The following NBAS variants were observed in gnomAD, a reference collection of about 807,000 sequenced individuals.
NBAS encodes the protein NBAS subunit of NRZ tethering complex.
In NBAS, 219 loss-of-function variants were observed where a neutral mutation model predicts 302.5. That is an observed-to-expected ratio of 0.72 (90% CI 0.65 to 0.81). The LOEUF (loss-of-function observed/expected upper bound fraction) is 0.81. Ranked by LOEUF, NBAS falls within the 30% of genes least tolerant of loss-of-function variation. The pLI, the probability that NBAS is intolerant of heterozygous loss-of-function variation, is 0.00. For missense variants in NBAS, 2,932 were observed against 2,841.6 expected, an observed-to-expected ratio of 1.03 and a Z score of -0.72; for synonymous variants, 1,118 against 1,021.6, an observed-to-expected ratio of 1.09 and a Z score of -1.80.
At chr2:15,488,756 C>T in intron 12 of NBAS, 138 bp downstream of exon 12, 1 of 1,135,000 alleles carries the variant, frequency 8.8e-7, no homozygotes, top group Admixed American at 2.0e-5. Flanking sequence ...GTACTGATAT[C>T]ATAATTTAAA....
intron 12 of NBAS, among the ~76,000 whole-genome samples, chr2:15,482,242 C>T (rs1309071538): frequency 6.6e-6 from 1 of 152,058 alleles, no homozygotes; most frequent in Admixed American, 6.6e-5. Context: ...GTGATCTTCC[C>T]GACTCAGCCT....
At chr2:15,009,730 T>A in the NBAS span, among the ~76,000 whole-genome samples, 6 of 121,358 alleles carry the variant, frequency 4.9e-5, no homozygotes, top group Admixed American at 3.2e-4. Context: ...ACGGTGCATA[T>A]GTATGTGTGT....
At chr2:15,453,238 G>A in intron 21 of NBAS, among the ~76,000 whole-genome samples, 1 of 152,200 alleles carries the variant, frequency 6.6e-6, no homozygotes, top group East Asian at 1.9e-4. Flanking sequence ...GAATGACCCA[G>A]GGTTAGCAAG....
chr2:15,188,165 G>T (rs1665176107), intron 49 of NBAS, among the ~76,000 whole-genome samples: 1 of 152,174 alleles, frequency 6.6e-6, no homozygotes, highest in South Asian at 2.1e-4. Flanking sequence ...GTGATACACT[G>T]GATGAAAACA....
chr2:15,353,147 C>G (rs929924212), intron 34 of NBAS, among the ~76,000 whole-genome samples: 3 of 152,122 alleles, frequency 2.0e-5, no homozygotes, highest in Non-Finnish European at 4.4e-5. Flanking sequence ...AGCATCCCCC[C>G]CAACCAAAGC....
chr2:14,934,357 AT>A, the NBAS span, among the ~76,000 whole-genome samples: 1 of 151,906 alleles, frequency 6.6e-6, no homozygotes, highest in Non-Finnish European at 1.5e-5. Context: ...AAATTAGCAT[AT>A]TTATTCAAAC....
At chr2:15,137,414 C>A in the NBAS span, among the ~76,000 whole-genome samples, 1 of 152,132 alleles carries the variant, frequency 6.6e-6, no homozygotes, top group Non-Finnish European at 1.5e-5. Flanking sequence ...TCACCTTCCC[C>A]AGGTCAAGCA....
chr2:15,267,680 CA>C (rs1291338435), intron 44 of NBAS, among the ~76,000 whole-genome samples: 1 of 151,828 alleles, frequency 6.6e-6, no homozygotes, highest in Non-Finnish European at 1.5e-5. Flanking sequence ...ATGTATATAC[CA>C]AAAATTATAA....
chr2:15,173,653 C>T (rs1396762862), intron 51 of NBAS, among the ~76,000 whole-genome samples: 2 of 152,186 alleles, frequency 1.3e-5, no homozygotes, highest in African/African-American at 4.8e-5. Flanking sequence ...TGGCATGGCA[C>T]TTAATGGAAT....
At chr2:14,972,890 G>A in the NBAS span, among the ~76,000 whole-genome samples, 1 of 152,220 alleles carries the variant, frequency 6.6e-6, no homozygotes, top group Non-Finnish European at 1.5e-5. Context: ...GTCACCTAGT[G>A]TTTCCAAAAC....
intron 31 of NBAS, among the ~76,000 whole-genome samples, chr2:15,368,372 G>A (rs1483740691): frequency 6.6e-6 from 1 of 151,762 alleles, no homozygotes; most frequent in Non-Finnish European, 1.5e-5. Context: ...GCTAACTTTT[G>A]TATTCTTAGT....
intron 47 of NBAS, among the ~76,000 whole-genome samples, chr2:15,219,956 C>G: frequency 6.8e-6 from 1 of 147,502 alleles, no homozygotes; most frequent in African/African-American, 2.5e-5. Context: ...GCAGAGGGCT[C>G]CTCACTTCCC....
intron 23 of NBAS, among the ~76,000 whole-genome samples, chr2:15,418,583 T>G (rs1448740876): frequency 1.3e-4 from 19 of 151,946 alleles, no homozygotes; most frequent in Admixed American, 1.2e-3. Context: ...GTGCAGTGAG[T>G]GCTGTGTATG....
intron 9 of NBAS, among the ~76,000 whole-genome samples, chr2:15,525,386 G>A (rs374675189): frequency 3.3e-5 from 5 of 152,168 alleles, no homozygotes; most frequent in African/African-American, 9.7e-5. Flanking sequence ...GGTCCAGAAA[G>A]AGTAAATGAC....
intron 10 of NBAS, among the ~76,000 whole-genome samples, chr2:15,506,091 TAAAA>T (rs2148639726): frequency 6.6e-6 from 1 of 150,808 alleles, no homozygotes; most frequent in Non-Finnish European, 1.5e-5. Context: ...GGAAATGAGA[TAAAA>T]GGGAGAGGTA....
At chr2:15,134,056 T>TCTCTC in the NBAS span, among the ~76,000 whole-genome samples, 2 of 145,662 alleles carry the variant, frequency 1.4e-5, no homozygotes, top group African/African-American at 2.5e-5. Flanking sequence ...GAACATTTCT[T>TCTCTC]TCTCTCTCTC....
intron 21 of NBAS, among the ~76,000 whole-genome samples, chr2:15,440,264 G>A (rs1347082044): frequency 6.6e-6 from 1 of 152,216 alleles, no homozygotes; most frequent in Non-Finnish European, 1.5e-5. Context: ...GCCCCCAGTA[G>A]GGGCAGACTG....
intron 21 of NBAS, 63 bp downstream of exon 21, chr2:15,461,138 A>G (rs1679487130): frequency 7.0e-7 from 1 of 1,433,590 alleles, no homozygotes; most frequent in Admixed American, 1.7e-5. Flanking sequence ...TAAGGTGTTC[A>G]GCATGACAAA....
chr2:15,051,711 C>T, the NBAS span, among the ~76,000 whole-genome samples: 1 of 152,156 alleles, frequency 6.6e-6, no homozygotes, highest in Non-Finnish European at 1.5e-5. Context: ...AATTAAAGCA[C>T]CTATATTTGT....
Sources: gnomAD v4.1 joint callset for allele counts (sites outside exome capture counted in the v4.1 genomes callset) on GRCh38, gnomAD v4.1.1 for gene constraint, MANE v1.5 for transcripts, NCBI Gene and HGNC (gene_info 2026-07-23, HGNC 2026-07-21) for gene names.